The following UNC5D variants were observed in gnomAD, a reference collection of about 807,000 sequenced individuals.
The protein encoded by UNC5D is netrin receptor UNC5D.
A neutral mutation model predicts 105.4 loss-of-function variants in UNC5D; 39 were observed. The observed-to-expected ratio is 0.37, with a 90% confidence interval of 0.29 to 0.48. The LOEUF is 0.48. UNC5D is among the 20% of genes least tolerant of loss of function. The pLI is 0.98. For synonymous variants in UNC5D, 452 were observed against 450.4 expected (o/e 1.00, Z -0.04); for missense variants, 991 against 1,202.4 (o/e 0.82, Z 2.60).
intron 1 of UNC5D, among the ~76,000 whole-genome samples, chr8:35,510,298 C>CTTTTTTATA (rs1260394217): frequency 1.6e-5 from 1 of 62,710 alleles, no homozygotes; most frequent in East Asian, 5.5e-4. Context: ...TACCAGTCAT[C>CTTTTTTATA]TTTTTTATAT....
chr8:35,748,154 G>C (rs573962610), intron 11 of UNC5D, among the ~76,000 whole-genome samples: 1 of 152,182 alleles, frequency 6.6e-6, no homozygotes, highest in Non-Finnish European at 1.5e-5. Context: ...GACCAGACCA[G>C]TCATTTCTAT....
chr8:35,449,947 A>C (rs1459227054), intron 1 of UNC5D, among the ~76,000 whole-genome samples: 1 of 152,164 alleles, frequency 6.6e-6, no homozygotes, highest in Admixed American at 6.6e-5. Context: ...CCTGTCCTTC[A>C]AGAATCCATT....
rs547254096 is a variant in UNC5D, at chr8:35,460,506, T to C, written c.104-88786T>C. ...AATACACATGGCTTCATCAAATTAT[T>C]CGAAATCCCCTGGGTAAGGTAAAGT... On this transcript the variant is annotated intron_variant, in intron 1 of 16. Transcript: ENST00000404895. Among the ~76,000 whole-genome samples, 3 of 152,286 alleles carry C rather than the reference T, an allele frequency of 2.0e-5. No homozygotes were observed. In the South Asian group the frequency reaches 6.2e-4, roughly 32 times the overall value.
At position 35,387,369 on chromosome 8, in the gene UNC5D, A is replaced by AAAAAAT. The variant is rs1345386307; in HGVS notation, c.103+151487_103+151488insTAAAAA. 1.1e-4 allele frequency among the ~76,000 whole-genome samples: 16 copies of AAAAAAT among 150,100 alleles called. No individual in the cohort carries two copies. The East Asian group carries it at 2.9e-3, about 27-fold the overall frequency. ...CACAGCGAGACTCCATCTCAAAAAA[A>AAAAAAT]AAAAAAGAGAAACGCAGATTCTCAG... is the stretch of plus-strand genomic sequence containing the variant. On this transcript the variant is annotated intron_variant, in intron 1 of 16. Transcript: ENST00000404895.
At chr8:35,648,370 G>A (rs1823186034) in intron 4 of UNC5D, among the ~76,000 whole-genome samples, 1 of 151,982 alleles carries the variant, frequency 6.6e-6, no homozygotes, top group Admixed American at 6.6e-5. Flanking sequence ...AGGCCTGAAT[G>A]CTTAAAGAAA....
At chr8:35,623,954 C>A (rs1563603460) in intron 4 of UNC5D, among the ~76,000 whole-genome samples, 2 of 152,080 alleles carry the variant, frequency 1.3e-5, no homozygotes, top group African/African-American at 2.4e-5. Flanking sequence ...GTGGTGGGCG[C>A]CTGTAGTCCC....
At chr8:35,771,354 C>G (rs1239000809) in intron 15 of UNC5D, among the ~76,000 whole-genome samples, 1 of 152,144 alleles carries the variant, frequency 6.6e-6, no homozygotes, top group Admixed American at 6.5e-5. Flanking sequence ...CCAATGTTTT[C>G]AGTTTCATTG....
intron 4 of UNC5D, among the ~76,000 whole-genome samples, chr8:35,628,243 C>T (rs377763354): frequency 9.2e-5 from 14 of 152,210 alleles, no homozygotes; most frequent in East Asian, 7.7e-4. Flanking sequence ...GACTGATTCT[C>T]GTGCCTCAGC....
intron 1 of UNC5D, among the ~76,000 whole-genome samples, chr8:35,538,529 A>C (rs1815039524): frequency 6.6e-6 from 1 of 150,708 alleles, no homozygotes; most frequent in Non-Finnish European, 1.5e-5. Context: ...TTTTGGAAAG[A>C]GCATTCTGCT....
At chr8:35,332,643 T>A (rs1465798271) in intron 1 of UNC5D, among the ~76,000 whole-genome samples, 1 of 152,202 alleles carries the variant, frequency 6.6e-6, no homozygotes, top group African/African-American at 2.4e-5. Flanking sequence ...CTATCAATTT[T>A]ATAGGGGCAG....
At chr8:35,568,358 A>T (rs1817498051) in intron 3 of UNC5D, 117 bp downstream of exon 3, 2 of 1,337,608 alleles carry the variant, frequency 1.5e-6, no homozygotes, top group East Asian at 4.9e-5. Flanking sequence ...GAGGTCTTAA[A>T]TTTACTCTTC....
At chr8:35,687,441 CAAAAAAAAAAAAA>C (rs34104800) in intron 7 of UNC5D, among the ~76,000 whole-genome samples, 1 of 53,088 alleles carries the variant, frequency 1.9e-5, no homozygotes, top group African/African-American at 6.8e-5. Flanking sequence ...GACTCCGTCT[CAAAAAAAAAAAAA>C]AAAAAAAAAG....
At chr8:35,708,191 A>C (rs918421355) in intron 8 of UNC5D, among the ~76,000 whole-genome samples, 5 of 152,218 alleles carry the variant, frequency 3.3e-5, no homozygotes, top group African/African-American at 1.2e-4. Context: ...AGCTCTGCAC[A>C]GAGTGCTCCA....
chr8:35,412,493 A>G (rs4132229), intron 1 of UNC5D, among the ~76,000 whole-genome samples: 4,042 of 151,948 alleles, frequency 0.027, 87 homozygotes, highest in Non-Finnish European at 0.041. Context: ...CTGAACCACA[A>G]TCAGAAAGAT....
chr8:35,377,848 T>TTCCTCTGGAGATAAGTCATCAG (rs1254345341), intron 1 of UNC5D, among the ~76,000 whole-genome samples: 2 of 152,188 alleles, frequency 1.3e-5, no homozygotes, highest in African/African-American at 2.4e-5. Flanking sequence ...ACAGTTAGTT[T>TTCCTCTGGAGATAAGTCATCAG]TCCTCTGGAG....
chr8:35,246,626 T>G (rs2128805909), intron 1 of UNC5D, among the ~76,000 whole-genome samples: 1 of 152,160 alleles, frequency 6.6e-6, no homozygotes, highest in African/African-American at 2.4e-5. Flanking sequence ...CATGTTAAAC[T>G]TGCAGATCTG....
rs148531173 is a variant in UNC5D at position 35,622,433 on chromosome 8, T to C, written c.570+26776T>C. Among the ~76,000 whole-genome samples, 32 of 152,322 alleles carry C rather than the reference T, an allele frequency of 2.1e-4. 1 individual carries two copies. The East Asian group carries it at 5.0e-3, about 24-fold the overall frequency. On this transcript the variant is annotated intron_variant, in intron 4 of 16. Coordinates refer to ENST00000404895, the MANE Select transcript of UNC5D (RefSeq NM_080872.4). ...AGCATATTGTTCAAGAGCATGGATC[T>C]TGATGCTATGAGTCAGGTAAGGGAG...
chr8:35,389,895 T>G (rs1585730786), intron 1 of UNC5D, among the ~76,000 whole-genome samples: 3 of 152,302 alleles, frequency 2.0e-5, no homozygotes, highest in South Asian at 4.1e-4. Context: ...ACAGAAGATA[T>G]CCACCTGTTA....
intron 1 of UNC5D, among the ~76,000 whole-genome samples, chr8:35,240,567 G>A (rs1256688819): frequency 6.6e-6 from 1 of 151,996 alleles, no homozygotes; most frequent in Non-Finnish European, 1.5e-5. Flanking sequence ...TACCCCCATT[G>A]GTAAGATAGG....
Sources: allele counts gnomAD v4.1 joint callset (sites outside exome capture counted in the v4.1 genomes callset), GRCh38; gene constraint gnomAD v4.1.1; transcripts MANE v1.5; gene names NCBI Gene and HGNC (gene_info 2026-07-23, HGNC 2026-07-21).